The following COL22A1 variants were observed in gnomAD, a reference collection of about 807,000 sequenced individuals.
The protein encoded by COL22A1 is collagen alpha-1(XXII) chain.
In COL22A1, 221 loss-of-function variants were observed where a neutral mutation model predicts 248.9. That is an observed-to-expected ratio of 0.89 (90% confidence interval 0.80 to 0.99). The LOEUF (loss-of-function observed/expected upper bound fraction) is 0.99. Ranked by LOEUF, COL22A1 falls within the 50% of genes least tolerant of loss-of-function variation. COL22A1 has a pLI of 0.00. For missense variants in COL22A1, 2,240 were observed against 2,179.0 expected, an observed-to-expected ratio of 1.03 and a Z score of -0.56; for synonymous variants, 891 against 793.4, an observed-to-expected ratio of 1.12 and a Z score of -2.07.
At chr8:138,801,312 G>C (rs1390269557) in intron 11 of COL22A1, among the ~76,000 whole-genome samples, 1 of 152,164 alleles carries the variant, frequency 6.6e-6, no homozygotes, top group Non-Finnish European at 1.5e-5. Context: ...GACGTGATGA[G>C]ACTATGTCAA....
chr8:138,749,619 T>G (rs1832420757), intron 22 of COL22A1, among the ~76,000 whole-genome samples: 1 of 152,192 alleles, frequency 6.6e-6, no homozygotes, highest in Non-Finnish European at 1.5e-5. Context: ...GCACTTTTTC[T>G]CCTAACAACA....
At chr8:138,600,124 C>G (rs911886052) in intron 60 of COL22A1, among the ~76,000 whole-genome samples, 7 of 152,222 alleles carry the variant, frequency 4.6e-5, no homozygotes, top group African/African-American at 1.4e-4. Context: ...AAGTGCGGGA[C>G]CAATGATTTG....
chr8:138,713,295 TG>T (rs1327011936), intron 30 of COL22A1, among the ~76,000 whole-genome samples: 1 of 152,146 alleles, frequency 6.6e-6, no homozygotes, highest in Non-Finnish European at 1.5e-5. Flanking sequence ...AGCCAAGCTT[TG>T]GTTCTGTGAG....
intron 6 of COL22A1, among the ~76,000 whole-genome samples, chr8:138,825,108 G>GA (rs1278583926): frequency 6.6e-6 from 1 of 152,176 alleles, no homozygotes; most frequent in Non-Finnish European, 1.5e-5. Flanking sequence ...CAGACCCTGA[G>GA]AAAATGGAGA....
At chr8:138,791,133 A>T (rs1266000051) in intron 12 of COL22A1, among the ~76,000 whole-genome samples, 1 of 152,146 alleles carries the variant, frequency 6.6e-6, no homozygotes. Context: ...CCTGCAATCT[A>T]TGGGAGGGAC....
In COL22A1 at chr8:138,637,020, C is replaced by T. The variant is rs186273390; in HGVS notation, c.3502-225G>A. On this transcript the variant is annotated intron_variant, in intron 47 of 64. Coordinates refer to ENST00000303045, the MANE Select transcript of COL22A1 (RefSeq NM_152888.3). ...GGATTTGGGGTATGGGGTTGGAGAG[C>T]GGGCAGCAGGAAAGGGGCCAGGGAG... Among the ~76,000 whole-genome samples the T allele has an allele frequency of 4.3e-3, 650 of 151,940 alleles. 11 individuals are homozygous for T. Among genetic ancestry groups the T allele is most frequent in the Non-Finnish European group, 3.6e-3 (243 of 67,958 alleles).
In COL22A1 at chr8:138,878,122, CAA is replaced by C. The variant is rs745499396; in HGVS notation, c.284_285del (p.Phe95TrpfsTer124). The stretch of plus-strand genomic sequence containing the variant: ...GCCGCCTTGACCTCCTCCTGCGAGC[CAA>C]AGAGTCCCAACTCGAAGGCCGTGGT... ...RPTTAFELGL[F>X]GSQEEVKAAA... On this transcript the variant is annotated frameshift_variant, in exon 3 of 65. Transcript: ENST00000303045. LOFTEE classifies it high-confidence loss of function. The C allele has an allele frequency of 3.7e-6, 6 of 1,605,444 alleles. No individual in the cohort carries two copies. Among genetic ancestry groups the C allele is most frequent in the African/African-American group, 1.3e-5 (1 of 74,998 alleles).
chr8:138,601,937 G>A (rs79902151), intron 60 of COL22A1, among the ~76,000 whole-genome samples, 178 bp downstream of exon 60: 1,655 of 152,284 alleles, frequency 0.011, 33 homozygotes, highest in African/African-American at 0.037. Context: ...GGGAGGAAAA[G>A]AACCTCCCTT....
At chr8:138,839,393 T>G (rs1411210517) in intron 4 of COL22A1, among the ~76,000 whole-genome samples, 4 of 152,090 alleles carry the variant, frequency 2.6e-5, no homozygotes, top group Admixed American at 6.6e-5. Context: ...GTTTCTTTCT[T>G]CAGGCAATGA....
intron 1 of COL22A1, among the ~76,000 whole-genome samples, chr8:138,889,415 G>C (rs1191573950): frequency 2.0e-5 from 3 of 152,172 alleles, no homozygotes; most frequent in African/African-American, 4.8e-5. Context: ...CCTTTGTAGG[G>C]ACATGGATGA....
intron 9 of COL22A1, among the ~76,000 whole-genome samples, chr8:138,809,358 C>T (rs769712974): frequency 1.3e-4 from 20 of 152,096 alleles, no homozygotes; most frequent in Non-Finnish European, 1.9e-4. Context: ...GTACACAGCA[C>T]ATAGCAGATG....
intron 46 of COL22A1, 36 bp downstream of exon 46, chr8:138,649,629 T>G (rs746076134): frequency 1.6e-5 from 26 of 1,591,226 alleles, no homozygotes; most frequent in Non-Finnish European, 2.1e-5. Flanking sequence ...ATTTTCATTG[T>G]AATGATAAAA....
chr8:138,612,433 T>C (rs994191577), intron 56 of COL22A1, among the ~76,000 whole-genome samples: 1 of 152,170 alleles, frequency 6.6e-6, no homozygotes, highest in African/African-American at 2.4e-5. Flanking sequence ...CAGGCAGATA[T>C]AACATCCAGA....
At chr8:138,629,126 A>T (rs1247348859) in intron 50 of COL22A1, among the ~76,000 whole-genome samples, 5 of 150,840 alleles carry the variant, frequency 3.3e-5, no homozygotes, top group Non-Finnish European at 7.4e-5. Flanking sequence ...TCCACATCTT[A>T]TTCTCTTCAG....
chr8:138,869,692 C>T (rs916771608), intron 3 of COL22A1, among the ~76,000 whole-genome samples: 5 of 152,306 alleles, frequency 3.3e-5, no homozygotes, highest in Admixed American at 6.5e-5. Flanking sequence ...AATTCAATTA[C>T]GATTTCTATT....
chr8:138,824,690 C>G (rs756793551), intron 6 of COL22A1, among the ~76,000 whole-genome samples: 1 of 152,194 alleles, frequency 6.6e-6, no homozygotes, highest in African/African-American at 2.4e-5. Context: ...TCTGCCATGA[C>G]TGACAGAGTG....
chr8:138,612,957 A>AAAG, intron 56 of COL22A1, among the ~76,000 whole-genome samples: 1 of 148,644 alleles, frequency 6.7e-6, no homozygotes, highest in Admixed American at 6.7e-5. Context: ...AAAAAAAAAA[A>AAAG]AAAAGCAGGG....
At chr8:138,734,968 A>G (rs1174359046) in intron 23 of COL22A1, among the ~76,000 whole-genome samples, 1 of 152,186 alleles carries the variant, frequency 6.6e-6, no homozygotes, top group African/African-American at 2.4e-5. Flanking sequence ...TTGAACAATG[A>G]GAACACATGG....
At chr8:138,857,134 C>T (rs1374780779) in intron 3 of COL22A1, among the ~76,000 whole-genome samples, 3 of 152,148 alleles carry the variant, frequency 2.0e-5, no homozygotes, top group East Asian at 1.9e-4. Flanking sequence ...CCTCTGCCCA[C>T]GCCTGCCCCT....
Sources: allele counts gnomAD v4.1 joint callset (sites outside exome capture counted in the v4.1 genomes callset), GRCh38; gene constraint gnomAD v4.1.1; transcripts MANE v1.5; gene names NCBI Gene and HGNC (gene_info 2026-07-23, HGNC 2026-07-21).